Variants in HIBCH observed in about 807,000 individuals in gnomAD.
HIBCH encodes the protein 3-hydroxyisobutyryl-CoA hydrolase, also known as 3-hydroxyisobutyryl-CoA hydrolase, mitochondrial.
HIBCH carries 50 observed loss-of-function variants against 58.2 expected under a neutral mutation model. That is an observed-to-expected ratio of 0.86 (90% CI 0.68 to 1.09). HIBCH has a LOEUF of 1.09. HIBCH is among the 50% of genes least tolerant of loss of function. HIBCH has a pLI of 0.00. For synonymous variants in HIBCH, 151 were observed against 146.9 expected, an observed-to-expected ratio of 1.03 and a Z score of -0.20; for missense variants, 450 against 449.7, an observed-to-expected ratio of 1.00 and a Z score of -0.01.
chr2:190,241,989 C>G (rs1486165982), intron 11 of HIBCH, among the ~76,000 whole-genome samples: 1 of 152,104 alleles, frequency 6.6e-6, no homozygotes, highest in Non-Finnish European at 1.5e-5. Flanking sequence ...CTCTGTATTT[C>G]CTGAATTTGA....
intron 1 of HIBCH, among the ~76,000 whole-genome samples, chr2:190,316,189 G>A (rs1688706711): frequency 6.6e-6 from 1 of 152,096 alleles, no homozygotes; most frequent in South Asian, 2.1e-4. Context: ...CTGTCACCCA[G>A]GCTGGAGTGC....
intron 11 of HIBCH, among the ~76,000 whole-genome samples, chr2:190,231,640 C>T (rs1193268003): frequency 6.6e-6 from 1 of 152,002 alleles, no homozygotes; most frequent in Non-Finnish European, 1.5e-5. Context: ...AGATAGCTAT[C>T]ATCACCTCTA....
At position 190,236,935 on chromosome 2, in the gene HIBCH, C is replaced by T. The variant is rs1686292028; in HGVS notation, c.891+7952G>A. On this transcript the variant is annotated intron_variant, in intron 11 of 13. Coordinates refer to ENST00000359678, the MANE Select transcript of HIBCH (RefSeq NM_014362.4). This position sits in a 1 kb window ranked among gnomAD's most constrained non-coding sequence, Gnocchi z 4.1. ...TCTACATAAACTGATGCATTTTCCC[C>T]TTTATCATACTCTTTCCCCAAAGCA... is the stretch of plus-strand genomic sequence containing the variant. Among the ~76,000 whole-genome samples, 1 of 152,070 alleles carries T rather than the reference C, an allele frequency of 6.6e-6. No homozygotes were observed. The highest frequency in any genetic ancestry group is 6.5e-5 in the Admixed American group (1 of 15,270).
rs149510787 is a variant in HIBCH at position 190,238,758 on chromosome 2, C to G, written c.891+6129G>C. Among the ~76,000 whole-genome samples the G allele has an allele frequency of 9.2e-5, 14 of 152,286 alleles. No homozygotes were observed. In the East Asian group the frequency reaches 2.7e-3, roughly 29 times the overall value. ...GATTACAGGCGTGAGCCACCACGCC[C>G]GGCCACAAACGTCTTCTTTTGAGAA... On this transcript the variant is annotated intron_variant, in intron 11 of 13. Transcript: ENST00000359678.
rs188507517 is a variant in HIBCH, at chr2:190,223,484, G to A, written c.892-10409C>T. On this transcript the variant is annotated intron_variant, in intron 11 of 13. Transcript: ENST00000359678. ...AGTCACTCAAATATTACTGAGTCAG[G>A]ATGGTAGGCGTGAAGAAAAACAGAG... Among the ~76,000 whole-genome samples the A allele has an allele frequency of 6.2e-3, 948 of 152,322 alleles. 9 individuals are homozygous for A. The highest frequency in any genetic ancestry group is 0.022 in the African/African-American group (900 of 41,556).
intron 8 of HIBCH, chr2:190,251,685 T>TTA (rs1553500774): frequency 3.3e-4 from 60 of 180,394 alleles, no homozygotes; most frequent in South Asian, 1.0e-3. Flanking sequence ...GTTTTTTTTT[T>TTA]AAAAAAAAAA....
chr2:190,293,567 T>C (rs570474924), intron 4 of HIBCH, among the ~76,000 whole-genome samples: 1 of 152,332 alleles, frequency 6.6e-6, no homozygotes, highest in Admixed American at 6.5e-5. Context: ...AAAGTTTTCA[T>C]TAAACTGCAA....
chr2:190,293,500 T>G (rs910692998), intron 4 of HIBCH, among the ~76,000 whole-genome samples: 1 of 152,062 alleles, frequency 6.6e-6, no homozygotes, highest in African/African-American at 2.4e-5. Flanking sequence ...AAACGCATGT[T>G]GTAGGCAAAA....
chr2:190,203,408 G>A (rs188989420), downstream of HIBCH: 2 of 167,088 alleles, frequency 1.2e-5, no homozygotes, highest in Admixed American at 6.5e-5. Flanking sequence ...TAGCTATGAA[G>A]TGGTATATTT....
intron 11 of HIBCH, among the ~76,000 whole-genome samples, chr2:190,222,004 G>C (rs1046194970): frequency 2.5e-4 from 38 of 152,182 alleles, no homozygotes; most frequent in African/African-American, 9.2e-4. Flanking sequence ...ACTCACTCAG[G>C]TGAAGGTGCA....
chr2:190,194,785 G>A (rs1328027185), intron 1 of HIBCH, among the ~76,000 whole-genome samples: 1 of 152,118 alleles, frequency 6.6e-6, no homozygotes, highest in Non-Finnish European at 1.5e-5. Context: ...TAATCATACA[G>A]CATGTACCCC....
At chr2:190,259,744 C>T (rs911874176) in intron 7 of HIBCH, among the ~76,000 whole-genome samples, 7 of 152,074 alleles carry the variant, frequency 4.6e-5, no homozygotes, top group African/African-American at 1.7e-4. Context: ...CAGTTTTTTA[C>T]TGGAGCTGTT....
At chr2:190,257,027 A>G (rs1321646795) in intron 7 of HIBCH, among the ~76,000 whole-genome samples, 2 of 152,238 alleles carry the variant, frequency 1.3e-5, no homozygotes, top group African/African-American at 4.8e-5. Context: ...GAAAAAAAGT[A>G]TTTGTAGAAA....
At chr2:190,234,309 G>A (rs1686198447) in intron 11 of HIBCH, among the ~76,000 whole-genome samples, 1 of 152,182 alleles carries the variant, frequency 6.6e-6, no homozygotes, top group South Asian at 2.1e-4. Flanking sequence ...CACTACTTCT[G>A]GGTATATAAC....
downstream of HIBCH, chr2:190,201,233 A>AT (rs1690231186): frequency 6.0e-6 from 1 of 166,982 alleles, no homozygotes; most frequent in Non-Finnish European, 1.5e-5. Flanking sequence ...TAGGGAAGCT[A>AT]TTTTTTCTCT....
chr2:190,222,724 G>C (rs1446153633), intron 11 of HIBCH, among the ~76,000 whole-genome samples: 1 of 152,182 alleles, frequency 6.6e-6, no homozygotes, highest in Non-Finnish European at 1.5e-5. Context: ...GATTCTTCAA[G>C]GATCTAGAAC....
intron 7 of HIBCH, among the ~76,000 whole-genome samples, chr2:190,253,284 C>T (rs1686831106): frequency 6.6e-6 from 1 of 152,012 alleles, no homozygotes; most frequent in Non-Finnish European, 1.5e-5. Context: ...CAACTGTGAC[C>T]CTCTAGTTTT....
chr2:190,275,254 A>G (rs555465481), intron 6 of HIBCH, among the ~76,000 whole-genome samples: 2 of 152,310 alleles, frequency 1.3e-5, no homozygotes, highest in Admixed American at 6.5e-5. Context: ...TTTAAATCCA[A>G]TTCAGTTGGG....
intron 7 of HIBCH, among the ~76,000 whole-genome samples, chr2:190,255,161 T>C (rs1380750466): frequency 6.6e-6 from 1 of 152,200 alleles, no homozygotes; most frequent in African/African-American, 2.4e-5. Context: ...GCCTGCTTTA[T>C]ACTCTTCCAC....
Sources: allele counts gnomAD v4.1 joint callset (sites outside exome capture counted in the v4.1 genomes callset), GRCh38; gene constraint gnomAD v4.1.1; non-coding constraint Gnocchi (gnomAD v3.1); transcripts MANE v1.5; gene names NCBI Gene and HGNC (gene_info 2026-07-23, HGNC 2026-07-21).